Variants in WDPCP observed in about 807,000 individuals in gnomAD.
The protein encoded by WDPCP is WD repeat-containing and planar cell polarity effector protein fritz homolog.
WDPCP carries 71 observed loss-of-function variants against 93.1 expected under a neutral mutation model. The ratio of observed to expected loss-of-function variants is 0.76; its 90% confidence interval spans 0.63 to 0.93. The LOEUF (loss-of-function observed/expected upper bound fraction) is 0.93. Among genes scored for constraint, WDPCP ranks in the 40% least tolerant of loss-of-function variants. The probability of loss-of-function intolerance (pLI) is 0.00; values close to 1 mark genes in which losing one functional copy is unlikely to be tolerated. For synonymous variants in WDPCP, 315 were observed against 315.0 expected, an observed-to-expected ratio of 1.00 and a Z score of 0.00; for missense variants, 844 against 887.4, an observed-to-expected ratio of 0.95 and a Z score of 0.62.
At chr2:63,420,488 G>A (rs930114695) in intron 9 of WDPCP, among the ~76,000 whole-genome samples, 10 of 150,464 alleles carry the variant, frequency 6.6e-5, no homozygotes, top group African/African-American at 2.4e-4. Context: ...GAGCCGACAC[G>A]GCACCATTGC....
chr2:63,307,379 A>C (rs1419637708), intron 13 of WDPCP, among the ~76,000 whole-genome samples: 1 of 152,176 alleles, frequency 6.6e-6, no homozygotes, highest in Non-Finnish European at 1.5e-5. Flanking sequence ...CAGAATTAGA[A>C]ACAAAACTAC....
chr2:63,378,574 C>T, intron 11 of WDPCP, 65 bp from the exon 12 acceptor site: 3 of 1,607,628 alleles, frequency 1.9e-6, no homozygotes, highest in South Asian at 2.2e-5. Flanking sequence ...ACAAAATACT[C>T]ATGTTTGCAG....
At chr2:63,356,651 A>T (rs1690039234) in intron 12 of WDPCP, among the ~76,000 whole-genome samples, 2 of 152,216 alleles carry the variant, frequency 1.3e-5, no homozygotes, top group Admixed American at 1.3e-4. Flanking sequence ...CATGGAAATT[A>T]AAAAATATGC....
intron 13 of WDPCP, among the ~76,000 whole-genome samples, chr2:63,303,277 C>G (rs916063620): frequency 1.3e-5 from 2 of 152,082 alleles, no homozygotes; most frequent in Admixed American, 6.6e-5. Flanking sequence ...CATCTAGGGG[C>G]CTAAGGAGTT....
chr2:63,767,207 G>T (rs993806970), intron 2 of WDPCP, among the ~76,000 whole-genome samples: 1 of 152,108 alleles, frequency 6.6e-6, no homozygotes, highest in East Asian at 1.9e-4. Context: ...CTGAGTAATA[G>T]TGCATTGTAT....
chr2:63,315,978 GT>G lies in WDPCP; in HGVS notation c.1749-2668del, dbSNP rs770764814. 3.1e-4 allele frequency among the ~76,000 whole-genome samples: 47 copies of G among 152,006 alleles called. 1 individual carries two copies. The highest frequency in any genetic ancestry group is 5.7e-4 in the Non-Finnish European group (39 of 68,006). On this transcript the variant is annotated intron_variant, in intron 12 of 17. Transcript: ENST00000272321. ...AGGTCTCATTATGTTGCCCAGGCTG[GT>G]TTTGAATCCATGAGCTCGAGTGATC...
chr2:63,613,535 C>G (rs993283291), intron 3 of WDPCP, among the ~76,000 whole-genome samples: 16 of 152,212 alleles, frequency 1.1e-4, no homozygotes, highest in African/African-American at 3.9e-4. Flanking sequence ...GCAAAGCAGG[C>G]TGTAGCAGTA....
intron 3 of WDPCP, among the ~76,000 whole-genome samples, chr2:63,644,196 A>G (rs1575737354): frequency 6.6e-6 from 1 of 151,028 alleles, no homozygotes; most frequent in East Asian, 1.9e-4. Flanking sequence ...GTATCACGGT[A>G]ATACTGGCCT....
chr2:63,536,923 A>G (rs1485906948), intron 1 of WDPCP, among the ~76,000 whole-genome samples: 3 of 151,570 alleles, frequency 2.0e-5, no homozygotes, highest in Non-Finnish European at 4.4e-5. Context: ...GCACCCCCAC[A>G]CCCAGCCAAT....
chr2:63,578,932 C>T (rs2106535736), intron 1 of WDPCP, among the ~76,000 whole-genome samples: 1 of 152,234 alleles, frequency 6.6e-6, no homozygotes, highest in South Asian at 2.1e-4. Flanking sequence ...GGATTGGAAT[C>T]TCACAGTTTG....
intron 7 of WDPCP, chr2:63,438,004 AT>A: frequency 1.5e-6 from 2 of 1,300,790 alleles, no homozygotes; most frequent in Non-Finnish European, 9.9e-7. Context: ...TATTTAAAAA[AT>A]TTTCATCAGT....
chr2:63,200,523 G>T (rs943473244), intron 14 of WDPCP, among the ~76,000 whole-genome samples: 2 of 152,184 alleles, frequency 1.3e-5, no homozygotes, highest in Non-Finnish European at 2.9e-5. Context: ...AAAAGAATGA[G>T]ATCCTTTTAT....
chr2:63,526,580 C>T (rs1395553352), intron 1 of WDPCP, among the ~76,000 whole-genome samples: 1 of 152,194 alleles, frequency 6.6e-6, no homozygotes, highest in African/African-American at 2.4e-5. Context: ...GACTATCCTC[C>T]AGAAACCTGT....
upstream of WDPCP, chr2:63,588,661 C>A: frequency 2.1e-6 from 1 of 481,420 alleles, no homozygotes; most frequent in Non-Finnish European, 3.8e-6. Context: ...TAGAGTTACA[C>A]ACGCTATCTC....
At chr2:63,814,752 C>A (rs1193396885) in intron 1 of WDPCP, among the ~76,000 whole-genome samples, 1 of 152,130 alleles carries the variant, frequency 6.6e-6, no homozygotes, top group African/African-American at 2.4e-5. Flanking sequence ...ATATATTTAT[C>A]ATAAGTTACA....
At chr2:63,839,552 C>T in the WDPCP span, among the ~76,000 whole-genome samples, 1 of 152,196 alleles carries the variant, frequency 6.6e-6, no homozygotes, top group Non-Finnish European at 1.5e-5. Flanking sequence ...AGCAAGACTC[C>T]GTCTCAAAAC....
intron 6 of WDPCP, among the ~76,000 whole-genome samples, chr2:63,478,857 AAAC>A (rs776787468): frequency 3.9e-5 from 6 of 152,082 alleles, no homozygotes; most frequent in East Asian, 1.9e-4. Context: ...TGAAACAAAC[AAAC>A]AACAACAACA....
At position 63,404,446 on chromosome 2, in the gene WDPCP, T is replaced by A. The variant is rs766982680; in HGVS notation, c.1037A>T (p.Asn346Ile). Residue 346 changes from asparagine to isoleucine, a missense_variant, in exon 10 of 18, where the codon AAT becomes ATT. Asn to Ile is a moderately radical substitution (Grantham distance 149). Coordinates refer to ENST00000272321, the MANE Select transcript of WDPCP (RefSeq NM_015910.7). ...LKSKAISCCR[N>I]VTEDKLILGC... ...CAGAATCAGTTTGTCTTCAGTAACATTCCTGCAGCAGCTGATGGCCTTTGA... is the reference window on the plus strand; with the variant it reads ...CAGAATCAGTTTGTCTTCAGTAACAATCCTGCAGCAGCTGATGGCCTTTGA... The A allele has an allele frequency of 6.2e-7, 1 of 1,614,162 alleles. No homozygotes were observed. The highest frequency in any genetic ancestry group is 8.5e-7 in the Non-Finnish European group (1 of 1,180,020).
intron 1 of WDPCP, among the ~76,000 whole-genome samples, chr2:63,575,388 C>CAGTATATACAGTATATACAA (rs1558831564): frequency 6.3e-5 from 7 of 110,360 alleles, no homozygotes; most frequent in African/African-American, 2.1e-4. Context: ...AGTATATACA[C>CAGTATATACAGTATATACAA]GGTATATACA....
Sources: allele counts gnomAD v4.1 joint callset (sites outside exome capture counted in the v4.1 genomes callset), GRCh38; gene constraint gnomAD v4.1.1; transcripts MANE v1.5; gene names NCBI Gene and HGNC (gene_info 2026-07-23, HGNC 2026-07-21).